CDK13: variants seen among roughly 807,000 people sequenced by gnomAD.
CDK13 encodes the protein cyclin-dependent kinase 13.
CDK13 carries 40 observed loss-of-function variants against 137.6 expected under a neutral mutation model. That is an observed-to-expected ratio of 0.29 (90% CI 0.23 to 0.38). CDK13 has a LOEUF of 0.38. Ranked by LOEUF, CDK13 falls within the 10% of genes least tolerant of loss-of-function variation. CDK13 has a pLI of 1.00. For synonymous variants in CDK13, 869 were observed against 760.1 expected (o/e 1.14, Z -2.36); for missense variants, 1,704 against 1,951.8 (o/e 0.87, Z 2.39).
chr7:40,028,006 GTT>G (rs77541855), intron 5 of CDK13, among the ~76,000 whole-genome samples: 4 of 141,266 alleles, frequency 2.8e-5, no homozygotes, highest in Non-Finnish European at 3.1e-5. Context: ...AATTAACCTT[GTT>G]TTTTTTTTTT....
chr7:40,002,047 T>A lies in CDK13; in HGVS notation c.2353+16T>A, dbSNP rs1784694433. 3 of 1,546,834 alleles carry A rather than the reference T, an allele frequency of 1.9e-6. No individual in the cohort carries two copies. Among genetic ancestry groups the A allele is most frequent in the African/African-American group, 1.4e-5 (1 of 71,888 alleles). Reference sequence around the variant, plus strand: ...AAGGACAAAGGTATGTGTGCATATTTAAATAACGAATTTTTTGTATTCATG... The same window carrying A: ...AAGGACAAAGGTATGTGTGCATATTAAAATAACGAATTTTTTGTATTCATG... On this transcript the variant is annotated intron_variant, in intron 5 of 13. Coordinates refer to ENST00000181839, the MANE Select transcript of CDK13 (RefSeq NM_003718.5).
chr7:39,994,863 C>T (rs938720918), intron 2 of CDK13, among the ~76,000 whole-genome samples: 4 of 150,812 alleles, frequency 2.7e-5, no homozygotes, highest in Admixed American at 6.6e-5. Flanking sequence ...GTTCTTTTGC[C>T]GTTATTCTTA....
chr7:40,052,017 C>T (rs1785899908), intron 7 of CDK13, among the ~76,000 whole-genome samples: 1 of 152,106 alleles, frequency 6.6e-6, no homozygotes, highest in African/African-American at 2.4e-5. Context: ...ATGTTTCCCT[C>T]TTCTTAGTTT....
chr7:40,041,618 G>A (rs1312073351), intron 5 of CDK13, among the ~76,000 whole-genome samples: 3 of 152,160 alleles, frequency 2.0e-5, no homozygotes. Context: ...ATTGGACCAT[G>A]CAACTCTTAA....
At chr7:40,063,707 G>T (rs928441210) in intron 9 of CDK13, among the ~76,000 whole-genome samples, 1 of 151,524 alleles carries the variant, frequency 6.6e-6, no homozygotes, top group African/African-American at 2.4e-5. Context: ...ACCTAGGCTG[G>T]AGTGCAGTGG....
chr7:39,989,958 A>G (rs1012006078), intron 2 of CDK13, among the ~76,000 whole-genome samples: 6 of 151,678 alleles, frequency 4.0e-5, no homozygotes, highest in African/African-American at 9.7e-5. Flanking sequence ...AATTTTTTGT[A>G]TTTTTAGTAG....
At chr7:39,979,314 TC>T (rs1784176448) in intron 1 of CDK13, among the ~76,000 whole-genome samples, 1 of 151,716 alleles carries the variant, frequency 6.6e-6, no homozygotes, top group Non-Finnish European at 1.5e-5. Context: ...CCTCCCAGGT[TC>T]AAGCGATTCT....
intron 5 of CDK13, among the ~76,000 whole-genome samples, chr7:40,006,203 G>C (rs554161506): frequency 6.6e-6 from 1 of 152,308 alleles, no homozygotes; most frequent in East Asian, 1.9e-4. Flanking sequence ...TTTGGGATCA[G>C]AGAGAGCCTT....
In CDK13 at chr7:39,999,331, A is replaced by T. The variant is rs17496338; in HGVS notation, c.2043-30A>T. On this transcript the variant is annotated intron_variant, in intron 3 of 13. Transcript: ENST00000181839. ...CAGTTTATTCAATTTGCTTGATTGT[A>T]TATAAAAACTTTAGAACTATATTTG... 3.2e-6 allele frequency: 5 copies of T among 1,565,714 alleles called. No individual in the cohort carries two copies. In the African/African-American group the frequency reaches 6.9e-5, roughly 21 times the overall value.
chr7:40,025,298 T>C (rs1022223341), intron 5 of CDK13, among the ~76,000 whole-genome samples: 1 of 152,234 alleles, frequency 6.6e-6, no homozygotes, highest in African/African-American at 2.4e-5. Context: ...AGCCTCCTGA[T>C]GTGAACAAGT....
chr7:39,997,715 G>T, intron 3 of CDK13, 51 bp downstream of exon 3: 2 of 1,355,428 alleles, frequency 1.5e-6, no homozygotes, highest in African/African-American at 1.5e-5. Context: ...GTGATTCTGG[G>T]TCATCAGAAG....
Position 40,031,681 on chromosome 7 carries a change from T to G in CDK13, c.2354-14155T>G, listed in dbSNP as rs557848254. ...TTATTTTGGAGACAGGATCTCGCTC[T>G]GTCATCCACGCTGGAGTGTGGTGGC... On this transcript the variant is annotated intron_variant, in intron 5 of 13. Transcript: ENST00000181839. 5.3e-5 allele frequency among the ~76,000 whole-genome samples: 8 copies of G among 152,162 alleles called. No individual in the cohort carries two copies. The East Asian group carries it at 1.5e-3, about 29-fold the overall frequency.
At chr7:40,087,634 C>T (rs943333178) in intron 11 of CDK13, among the ~76,000 whole-genome samples, 1 of 151,076 alleles carries the variant, frequency 6.6e-6, no homozygotes, top group Non-Finnish European at 1.5e-5. Flanking sequence ...CCGCAACCTC[C>T]ACCTCCCGGG....
At chr7:39,972,621 C>G (rs886933959) in intron 1 of CDK13, among the ~76,000 whole-genome samples, 1 of 152,118 alleles carries the variant, frequency 6.6e-6, no homozygotes, top group African/African-American at 2.4e-5. Context: ...ATAATGTTTT[C>G]AAGGTTTATC....
At chr7:39,991,087 T>C (rs1487048723) in intron 2 of CDK13, among the ~76,000 whole-genome samples, 1 of 152,210 alleles carries the variant, frequency 6.6e-6, no homozygotes, top group Non-Finnish European at 1.5e-5. Context: ...CCTTTTATAA[T>C]GAAGGGGGAC....
intron 5 of CDK13, among the ~76,000 whole-genome samples, chr7:40,044,453 G>A (rs571997816): frequency 1.7e-4 from 26 of 151,618 alleles, no homozygotes; most frequent in Admixed American, 5.9e-4. Flanking sequence ...CGAGTAGCTG[G>A]GATTAAGATA....
intron 1 of CDK13, chr7:39,984,006 G>A (rs895105474): frequency 2.6e-5 from 4 of 152,078 alleles, no homozygotes; most frequent in Non-Finnish European, 5.9e-5. Context: ...TGAAAGAGGG[G>A]GGTAGATGTT....
chr7:40,062,307 A>C (rs1562755433), intron 7 of CDK13: 2 of 151,676 alleles, frequency 1.3e-5, no homozygotes, highest in Non-Finnish European at 2.9e-5. Flanking sequence ...TTTTTTTGAG[A>C]CGGAGTCTTG....
chr7:40,025,102 G>T (rs1584004821), intron 5 of CDK13, among the ~76,000 whole-genome samples: 1 of 152,200 alleles, frequency 6.6e-6, no homozygotes, highest in East Asian at 1.9e-4. Flanking sequence ...TCAAACTCAT[G>T]CTCCTGATCC....
Sources: allele counts gnomAD v4.1 joint callset (sites outside exome capture counted in the v4.1 genomes callset), GRCh38; gene constraint gnomAD v4.1.1; transcripts MANE v1.5; gene names NCBI Gene and HGNC (gene_info 2026-07-23, HGNC 2026-07-21).